DMKN: variants seen among roughly 807,000 people sequenced by gnomAD.
The protein encoded by DMKN is epidermis-specific secreted protein SK30/SK89.
In DMKN, 58 loss-of-function variants were observed where a neutral mutation model predicts 67.6. That is an observed-to-expected ratio of 0.86 (90% CI 0.69 to 1.07). The LOEUF is 1.07. Among genes scored for constraint, DMKN ranks in the 50% least tolerant of loss-of-function variants. DMKN has a pLI of 0.00. For synonymous variants in DMKN, 240 were observed against 232.3 expected, an observed-to-expected ratio of 1.03 and a Z score of -0.30; for missense variants, 596 against 601.5, an observed-to-expected ratio of 0.99 and a Z score of 0.10.
At chr19:35,507,477 C>T (rs2069798442) in intron 7 of DMKN, 2 of 1,551,400 alleles carry the variant, frequency 1.3e-6, no homozygotes, top group Non-Finnish European at 1.7e-6. Context: ...GTCTCCAGAG[C>T]CTCCAAGGAG....
chr19:35,500,543 C>T lies in DMKN; in HGVS notation c.1277G>A (p.Arg426Lys). The T allele has an allele frequency of 6.2e-7, 1 of 1,612,588 alleles. No individual in the cohort carries two copies. Among genetic ancestry groups the T allele is most frequent in the Non-Finnish European group, 8.5e-7 (1 of 1,179,378 alleles). Residue 426 changes from arginine (R) to lysine (K), a missense_variant, in exon 12 of 16, where the codon AGA (arginine) becomes AAA (lysine). Arg to Lys is a conservative substitution (Grantham distance 26). Transcript: ENST00000339686. ...DASSLQKRAGRDDQNYNYNQH... is the reference protein window; with the variant it reads ...DASSLQKRAGKDDQNYNYNQH... The stretch of plus-strand genomic sequence containing the variant: ...AGGACAGAGACTCACCTGATCGTCT[C>T]TGCCTGCACGTTTCTGCAGTGATGA...
intron 12 of DMKN, chr19:35,500,272 T>C (rs540532924): frequency 1.4e-6 from 2 of 1,461,308 alleles, no homozygotes; most frequent in East Asian, 5.0e-5. Flanking sequence ...CCTCCTGCCC[T>C]CAAGACCTCT....
chr19:35,505,635 G>A (rs1015243453), intron 9 of DMKN, 83 bp downstream of exon 9: 2 of 1,576,010 alleles, frequency 1.3e-6, no homozygotes, highest in African/African-American at 1.4e-5. Flanking sequence ...TCAGTGGCCA[G>A]CATCACTGTT....
chr19:35,502,187 C>T lies in DMKN; in HGVS notation c.1192-4G>A. Reference sequence around the variant, plus strand: ...AAGGAGTGTTCTGTTTGAAATCCTGCAGGGAGAAGGAGGGCAGAGTGGGCC... The same window carrying T: ...AAGGAGTGTTCTGTTTGAAATCCTGTAGGGAGAAGGAGGGCAGAGTGGGCC... On this transcript the variant is annotated splice_polypyrimidine_tract_variant and splice_region_variant and intron_variant, in intron 10 of 15. Coordinates refer to ENST00000339686, the MANE Select transcript of DMKN (RefSeq NM_033317.5). The T allele has an allele frequency of 6.2e-7, 1 of 1,614,016 alleles. No individual in the cohort carries two copies. The highest frequency in any genetic ancestry group is 1.3e-5 in the African/African-American group (1 of 75,002).
chr19:35,510,123 G>C, intron 6 of DMKN, 61 bp downstream of exon 6: 1 of 1,567,488 alleles, frequency 6.4e-7, no homozygotes, highest in Non-Finnish European at 8.7e-7. Context: ...TCCTGCGAGT[G>C]AAACCAGCTG....
chr19:35,497,259 T>A lies in DMKN; in HGVS notation c.*280A>T, dbSNP rs2067614471. 6.6e-6 allele frequency: 1 copy of A among 152,036 alleles called. No individual in the cohort carries two copies. Among genetic ancestry groups the A allele is most frequent in the Non-Finnish European group, 1.5e-5 (1 of 67,994 alleles). 9.4% of individuals were successfully genotyped at this position (152,036 alleles called of 1,614,324 possible). On this transcript the variant is annotated 3_prime_UTR_variant, in exon 16 of 16. Transcript: ENST00000339686. ...TCATGTTTTATTTCCACAGAGAAAC[T>A]CAAAAGTAGGAAGCTCCTCCTTCCT...
At position 35,513,464 on chromosome 19, in the gene DMKN, C is replaced by T; in HGVS notation, c.12G>A (p.Gln4=). MKF[Q]GPLACLLLAL... is the part of the protein sequence containing the mutation. ...CCAGCAGGAGGCAGGCCAGGGGCCC[C>T]TGGAACTTCATCTCTGCCCAGCCCC... The change falls in exon 1 of 16, where the codon CAG becomes CAA. Residue 4 remains glutamine (Q), a synonymous_variant. Coordinates refer to ENST00000339686, the MANE Select transcript of DMKN (RefSeq NM_033317.5). 2 of 1,597,338 alleles carry T rather than the reference C, an allele frequency of 1.3e-6. No homozygotes were observed. Among genetic ancestry groups the T allele is most frequent in the East Asian group, 2.2e-5 (1 of 44,846 alleles).
intron 7 of DMKN, chr19:35,508,127 G>A (rs2069955026): frequency 1.4e-5 from 22 of 1,532,590 alleles, no homozygotes; most frequent in Non-Finnish European, 1.9e-5. Flanking sequence ...CTGTCTGCCA[G>A]TATTGCTCCT....
Position 35,502,899 on chromosome 19 carries a change from G to GGCGGGGAGCAGGTTA in DMKN, c.1135-28_1135-14dup. ...GCGGGACCTGGTTCTGTGGATGAAA[G>GGCGGGGAGCAGGTTA]GCGGGGAGCAGGTTAGCAGAGAGCC... On this transcript the variant is annotated splice_polypyrimidine_tract_variant and intron_variant, in intron 9 of 15. Transcript: ENST00000339686. 1 of 1,613,584 alleles carries GGCGGGGAGCAGGTTA rather than the reference G, an allele frequency of 6.2e-7. No individual in the cohort carries two copies. The highest frequency in any genetic ancestry group is 8.5e-7 in the Non-Finnish European group (1 of 1,179,724).
At chr19:35,512,379 A>G (rs1311309780) in intron 3 of DMKN, 42 bp downstream of exon 3, 1 of 1,609,164 alleles carries the variant, frequency 6.2e-7, no homozygotes, top group Non-Finnish European at 8.5e-7. Flanking sequence ...TGTAGCCTGC[A>G]CCCAGTGGCT....
chr19:35,510,334 G>C (rs368192168), intron 5 of DMKN, 82 bp from the exon 6 acceptor site: 25 of 1,552,978 alleles, frequency 1.6e-5, no homozygotes, highest in Admixed American at 3.9e-5. Flanking sequence ...TTACAGATTT[G>C]TTGGAACCCC....
Position 35,500,044 on chromosome 19 carries a change from G to A in DMKN, c.1288-15C>T. On this transcript the variant is annotated splice_polypyrimidine_tract_variant and intron_variant, in intron 12 of 15. Transcript: ENST00000339686. ...TAATTGTAGTTCTGTGGAAGAAGTGGGCATGGCGGTTAGAACAGACGGACG... is the reference window on the plus strand; with the variant it reads ...TAATTGTAGTTCTGTGGAAGAAGTGAGCATGGCGGTTAGAACAGACGGACG... 14 of 1,614,136 alleles carry A rather than the reference G, an allele frequency of 8.7e-6. No homozygotes were observed. Among genetic ancestry groups the A allele is most frequent in the Non-Finnish European group, 1.1e-5 (13 of 1,180,004 alleles).
At chr19:35,502,654 G>A (rs905430154) in intron 10 of DMKN, among the ~76,000 whole-genome samples, 176 bp downstream of exon 10, 1 of 151,912 alleles carries the variant, frequency 6.6e-6, no homozygotes, top group Non-Finnish European at 1.5e-5. Flanking sequence ...GCAGTGAGCC[G>A]AGATAGTGCC....
At position 35,513,463 on chromosome 19, in the gene DMKN, C is replaced by T; in HGVS notation, c.13G>A (p.Gly5Arg). 1 of 1,597,218 alleles carries T rather than the reference C, an allele frequency of 6.3e-7. No individual in the cohort carries two copies. The highest frequency in any genetic ancestry group is 8.5e-7 in the Non-Finnish European group (1 of 1,178,814). MKFQ[G>R]PLACLLLALC... ...GCCAGCAGGAGGCAGGCCAGGGGCCCCTGGAACTTCATCTCTGCCCAGCCC... is the reference window on the plus strand; with the variant it reads ...GCCAGCAGGAGGCAGGCCAGGGGCCTCTGGAACTTCATCTCTGCCCAGCCC... Residue 5 changes from glycine to arginine, a missense_variant, in exon 1 of 16, where the codon GGG becomes AGG. Gly to Arg is a moderately radical substitution (Grantham distance 125). Transcript: ENST00000339686.
At chr19:35,507,338 TG>T (rs1380779690) in intron 7 of DMKN, 27 of 982,270 alleles carry the variant, frequency 2.7e-5, no homozygotes, top group Non-Finnish European at 3.7e-5. Flanking sequence ...TGATGGTCAC[TG>T]GACGCAGATT....
At chr19:35,506,476 A>G (rs775496918) in intron 7 of DMKN, 1 of 592,116 alleles carries the variant, frequency 1.7e-6, no homozygotes, top group African/African-American at 1.8e-5. Context: ...GAGATTAGCT[A>G]ACGTGTAGTC....
In DMKN at chr19:35,512,446, A is replaced by G. The variant is rs2071006624; in HGVS notation, c.659T>C (p.Val220Ala). ...CCCTTCATTCTGGTTGCTGGCTCTC[A>G]CTGAACCATAGCCAGGCTGGGCCAC... ...GAVAQPGYGS[V>A]RASNQNEGCT... Residue 220 changes from valine (V) to alanine (A), a missense_variant, in exon 3 of 16, where the codon GTG becomes GCG. Transcript: ENST00000339686. The G allele has an allele frequency of 6.2e-7, 1 of 1,613,916 alleles. No individual in the cohort carries two copies. The highest frequency in any genetic ancestry group is 1.7e-5 in the Admixed American group (1 of 60,000).
At chr19:35,512,359 C>T (rs2070990793) in intron 3 of DMKN, 62 bp downstream of exon 3, 1 of 1,584,726 alleles carries the variant, frequency 6.3e-7, no homozygotes, top group Admixed American at 1.8e-5. Context: ...TTTGTCTTTC[C>T]CCAGCTCTCT....
At chr19:35,507,332 G>T in intron 7 of DMKN, 3 of 884,026 alleles carry the variant, frequency 3.4e-6, no homozygotes, top group South Asian at 1.7e-5. Flanking sequence ...GTCTCTTGAT[G>T]GTCACTGGAC....
Sources: gnomAD v4.1 joint callset for allele counts (sites outside exome capture counted in the v4.1 genomes callset) on GRCh38, gnomAD v4.1.1 for gene constraint, MANE v1.5 for transcripts, NCBI Gene and HGNC (gene_info 2026-07-23, HGNC 2026-07-21) for gene names.